PCDH7: variants seen among roughly 807,000 people sequenced by gnomAD.
PCDH7 encodes the protein protocadherin 7, also known as protocadherin-7.
In PCDH7, 17 loss-of-function variants were observed where a neutral mutation model predicts 58.9. The ratio of observed to expected loss-of-function variants is 0.29; its 90% CI spans 0.20 to 0.43. The LOEUF is 0.43. Among genes scored for constraint, PCDH7 ranks in the 20% least tolerant of loss-of-function variants. The pLI is 1.00. For missense variants in PCDH7, 1,274 were observed against 1,441.0 expected, an observed-to-expected ratio of 0.88 and a Z score of 1.88; for synonymous variants, 664 against 616.4, an observed-to-expected ratio of 1.08 and a Z score of -1.14.
intron 1 of PCDH7, among the ~76,000 whole-genome samples, chr4:30,755,579 G>C (rs77442612): frequency 0.017 from 2,599 of 152,242 alleles, 69 homozygotes; most frequent in African/African-American, 0.059. Flanking sequence ...GGGGGAGATT[G>C]ACTCCTGTAG....
intron 1 of PCDH7, among the ~76,000 whole-genome samples, chr4:30,781,218 CT>C (rs528737377): frequency 4.4e-3 from 623 of 140,314 alleles, no homozygotes; most frequent in Middle Eastern, 7.5e-3. Context: ...AGGCGTTCTT[CT>C]TTTTTTTTTT....
intron 3 of PCDH7, among the ~76,000 whole-genome samples, chr4:31,084,206 A>G (rs1712005458): frequency 6.6e-6 from 1 of 152,170 alleles, no homozygotes; most frequent in African/African-American, 2.4e-5. Flanking sequence ...TATTTTATGG[A>G]CATATAAAAT....
rs980050322 is a variant in PCDH7 at position 30,979,674 on chromosome 4, T to C, written c.*7+29459T>C. Among the ~76,000 whole-genome samples, 3 of 152,102 alleles carry C rather than the reference T, an allele frequency of 2.0e-5. No homozygotes were observed. In the East Asian group the frequency reaches 5.8e-4, roughly 29 times the overall value. On this transcript the variant is annotated intron_variant, in intron 3 of 3. Transcript: ENST00000509759. ...CCAGTCTTTATTTTATTCTGTCTAA[T>C]AGTGTTACTTATCGTTTCACTTAGA...
chr4:30,976,769 T>A (rs1389614486), intron 3 of PCDH7, among the ~76,000 whole-genome samples: 1 of 152,174 alleles, frequency 6.6e-6, no homozygotes, highest in Non-Finnish European at 1.5e-5. Context: ...ATTGACAAAG[T>A]CTTGTTGACT....
intron 2 of PCDH7, among the ~76,000 whole-genome samples, chr4:30,947,684 A>C (rs187044556): frequency 6.6e-6 from 1 of 152,286 alleles, no homozygotes; most frequent in Non-Finnish European, 1.5e-5. Flanking sequence ...TCAAACATTT[A>C]TCATTTCTTT....
intron 3 of PCDH7, among the ~76,000 whole-genome samples, chr4:31,006,832 C>T (rs1752802323): frequency 6.7e-6 from 1 of 150,216 alleles, no homozygotes; most frequent in Admixed American, 6.7e-5. Flanking sequence ...GCAGAGATTG[C>T]AGTGAGCTGA....
chr4:30,958,471 T>C (rs1461755109), intron 3 of PCDH7, among the ~76,000 whole-genome samples: 1 of 152,006 alleles, frequency 6.6e-6, no homozygotes, highest in Non-Finnish European at 1.5e-5. Context: ...TGATAATTAA[T>C]AACTTAAGGT....
At position 30,936,631 on chromosome 4, in the gene PCDH7, A is replaced by AT. The variant is rs56159727; in HGVS notation, c.288-13479dup. On this transcript the variant is annotated intron_variant, in intron 2 of 3. Coordinates refer to the PCDH7 transcript ENST00000509759. Reference sequence around the variant, plus strand: ...ATCTGTGTATTATAAACCACAATGCATTTTTTTTTTGTTTTTTGCATAAAG... The same window carrying AT: ...ATCTGTGTATTATAAACCACAATGCATTTTTTTTTTTGTTTTTTGCATAAAG... Among the ~76,000 whole-genome samples, 335 of 149,152 alleles carry AT rather than the reference A, an allele frequency of 2.2e-3. 1 individual carries two copies. Among genetic ancestry groups the AT allele is most frequent in the Admixed American group, 3.8e-3 (57 of 14,894 alleles).
At chr4:30,755,958 AGTCCCAT>A (rs2109263443) in intron 1 of PCDH7, among the ~76,000 whole-genome samples, 1 of 152,188 alleles carries the variant, frequency 6.6e-6, no homozygotes, top group East Asian at 1.9e-4. Flanking sequence ...GTGCACCTGT[AGTCCCAT>A]CTACTCAGGA....
At chr4:30,852,017 A>G (rs957940971) in intron 1 of PCDH7, among the ~76,000 whole-genome samples, 2 of 152,104 alleles carry the variant, frequency 1.3e-5, no homozygotes, top group African/African-American at 4.8e-5. Flanking sequence ...ATGGAAAGCA[A>G]TAGATAAAAT....
At chr4:31,137,407 A>C (rs1719737970) in intron 3 of PCDH7, among the ~76,000 whole-genome samples, 1 of 152,080 alleles carries the variant, frequency 6.6e-6, no homozygotes, top group East Asian at 1.9e-4. Flanking sequence ...ACATGGCCAA[A>C]CCTCATCTCT....
chr4:30,786,712 T>C (rs1690895496), intron 1 of PCDH7: 15 of 971,482 alleles, frequency 1.5e-5, no homozygotes, highest in South Asian at 4.8e-5. Context: ...ACATATATTT[T>C]TGTATTTTTT....
intron 3 of PCDH7, among the ~76,000 whole-genome samples, chr4:31,041,609 C>A (rs1220843867): frequency 6.6e-6 from 1 of 151,864 alleles, no homozygotes. Context: ...AGTCCTACAA[C>A]GAAAAGAATT....
At chr4:31,094,062 C>T (rs1713624043) in intron 3 of PCDH7, among the ~76,000 whole-genome samples, 1 of 152,056 alleles carries the variant, frequency 6.6e-6, no homozygotes, top group African/African-American at 2.4e-5. Context: ...GTACAATTTC[C>T]ACATCCTCAA....
intron 3 of PCDH7, among the ~76,000 whole-genome samples, chr4:31,045,555 A>G (rs548171223): frequency 6.6e-6 from 1 of 152,074 alleles, no homozygotes; most frequent in South Asian, 2.1e-4. Flanking sequence ...ATGGTAGCAT[A>G]TTTAAAATCT....
chr4:30,973,585 A>G (rs562661789), intron 3 of PCDH7, among the ~76,000 whole-genome samples: 50 of 152,322 alleles, frequency 3.3e-4, no homozygotes, highest in Middle Eastern at 3.4e-3. Flanking sequence ...CATTAAAAGC[A>G]GGGAGGATAA....
chr4:31,118,029 C>T (rs1356148204), intron 3 of PCDH7, among the ~76,000 whole-genome samples: 2 of 152,120 alleles, frequency 1.3e-5, no homozygotes, highest in Non-Finnish European at 2.9e-5. Flanking sequence ...TATACGTATT[C>T]CCTTTCCTAG....
intron 3 of PCDH7, among the ~76,000 whole-genome samples, chr4:31,131,293 T>C (rs1718954280): frequency 6.6e-6 from 1 of 152,184 alleles, no homozygotes; most frequent in Non-Finnish European, 1.5e-5. Context: ...ATCAATGAAG[T>C]AAACTGATCC....
At chr4:31,094,895 A>C (rs753604845) in intron 3 of PCDH7, among the ~76,000 whole-genome samples, 7 of 152,180 alleles carry the variant, frequency 4.6e-5, no homozygotes, top group Non-Finnish European at 8.8e-5. Context: ...CTAGCATCAA[A>C]TACCAATTTA....
Sources: gnomAD v4.1 joint callset for allele counts (sites outside exome capture counted in the v4.1 genomes callset) on GRCh38, gnomAD v4.1.1 for gene constraint, MANE v1.5 for transcripts, NCBI Gene and HGNC (gene_info 2026-07-23, HGNC 2026-07-21) for gene names.